ANKRD31: variants seen among roughly 807,000 people sequenced by gnomAD.
ANKRD31 encodes the protein ankyrin repeat domain 31.
A neutral mutation model predicts 186.0 loss-of-function variants in ANKRD31; 147 were observed. The ratio of observed to expected loss-of-function variants is 0.79; its 90% CI spans 0.69 to 0.91. The LOEUF is 0.91. ANKRD31 is among the 40% of genes least tolerant of loss of function. ANKRD31 has a pLI of 0.00. For synonymous variants in ANKRD31, 673 were observed against 736.4 expected (o/e 0.91, Z 1.39); for missense variants, 1,986 against 2,148.8 (o/e 0.92, Z 1.50).
chr5:75,227,384 C>T (rs1232723316), intron 2 of ANKRD31, among the ~76,000 whole-genome samples: 1 of 151,914 alleles, frequency 6.6e-6, no homozygotes, highest in Non-Finnish European at 1.5e-5. Flanking sequence ...TGAGTATAGT[C>T]AAAATTAATT....
At chr5:75,175,975 AT>A (rs1753764819) in intron 10 of ANKRD31, among the ~76,000 whole-genome samples, 1 of 152,080 alleles carries the variant, frequency 6.6e-6, no homozygotes, top group Non-Finnish European at 1.5e-5. Context: ...AGGGAATTCC[AT>A]TTCCTAGTCA....
intron 11 of ANKRD31, among the ~76,000 whole-genome samples, chr5:75,156,412 A>G (rs576057229): frequency 1.2e-4 from 18 of 152,324 alleles, no homozygotes; most frequent in Non-Finnish European, 7.4e-5. Context: ...TTGCAAAAAA[A>G]GTTAAAAATT....
chr5:75,116,341 A>G (rs1052159387), intron 19 of ANKRD31, among the ~76,000 whole-genome samples: 16 of 151,998 alleles, frequency 1.1e-4, no homozygotes, highest in Admixed American at 1.0e-3. Flanking sequence ...GCGCACCAGC[A>G]TAGCACATGT....
chr5:75,214,329 C>T (rs1023631719), intron 3 of ANKRD31, among the ~76,000 whole-genome samples: 1 of 152,140 alleles, frequency 6.6e-6, no homozygotes, highest in African/African-American at 2.4e-5. Flanking sequence ...TAAGTCATTG[C>T]AACTTCTGAA....
intron 25 of ANKRD31, among the ~76,000 whole-genome samples, chr5:75,079,808 G>A (rs555900756): frequency 3.3e-5 from 5 of 152,250 alleles, no homozygotes; most frequent in African/African-American, 1.2e-4. Context: ...ACAATTAGAA[G>A]CAGTAAATTC....
chr5:75,117,913 T>A (rs535814420), intron 18 of ANKRD31, among the ~76,000 whole-genome samples: 1 of 152,240 alleles, frequency 6.6e-6, no homozygotes, highest in African/African-American at 2.4e-5. Context: ...TGCTATAGGT[T>A]TCATTTCAAC....
intron 25 of ANKRD31, 142 bp from the exon 26 acceptor site, chr5:75,068,806 C>T (rs972013758): frequency 1.2e-6 from 1 of 836,814 alleles, no homozygotes; most frequent in African/African-American, 1.8e-5. Flanking sequence ...TTTCCCTCAA[C>T]CTATTTTCTG....
intron 22 of ANKRD31, among the ~76,000 whole-genome samples, chr5:75,096,759 A>C (rs1374642206): frequency 6.6e-6 from 1 of 151,896 alleles, no homozygotes; most frequent in South Asian, 2.1e-4. Flanking sequence ...GGTGTGCTGC[A>C]CCCATTAACT....
chr5:75,139,119 T>A, intron 15 of ANKRD31, 136 bp from the exon 16 acceptor site: 1 of 1,002,420 alleles, frequency 1.0e-6, no homozygotes, highest in Non-Finnish European at 1.4e-6. Flanking sequence ...ATCATTGCTG[T>A]TATTGTTTTA....
Position 75,144,061 on chromosome 5 carries a change from G to T in ANKRD31, c.3535C>A (p.His1179Asn). The change falls in exon 15 of 26, where the codon CAC becomes AAC. Residue 1179 changes from histidine (H) to asparagine (N), a missense_variant. Transcript: ENST00000506364. Reference sequence around the variant, plus strand: ...TTTCTGAAATTCTGAACTGTTTTGTGTTCTTGGCTATTAGTAGGCATGTGA... The same window carrying T: ...TTTCTGAAATTCTGAACTGTTTTGTTTTCTTGGCTATTAGTAGGCATGTGA... Reference protein sequence around the residue: ...EIHMPTNSQEHKTVQNFRKRQ... With the variant: ...EIHMPTNSQENKTVQNFRKRQ... 1 of 397,470 alleles carries T rather than the reference G, an allele frequency of 2.5e-6. No individual in the cohort carries two copies. Among genetic ancestry groups the T allele is most frequent in the Admixed American group, 4.4e-5 (1 of 22,680 alleles). The allele number at this position is 397,470 out of a possible 1,614,324, so 24.6% of individuals were successfully genotyped here.
chr5:75,149,855 G>C (rs1416350919), intron 12 of ANKRD31, among the ~76,000 whole-genome samples: 1 of 151,838 alleles, frequency 6.6e-6, no homozygotes, highest in African/African-American at 2.4e-5. Context: ...TTAAATAAAA[G>C]AGTAGAAAAA....
intron 10 of ANKRD31, among the ~76,000 whole-genome samples, chr5:75,170,240 A>C (rs910516684): frequency 6.6e-6 from 1 of 152,120 alleles, no homozygotes; most frequent in Non-Finnish European, 1.5e-5. Context: ...AAGTATTATA[A>C]TATTAATTCA....
intron 1 of ANKRD31, among the ~76,000 whole-genome samples, chr5:75,235,118 T>C (rs747077101): frequency 2.0e-5 from 3 of 152,120 alleles, no homozygotes; most frequent in Non-Finnish European, 4.4e-5. Flanking sequence ...AATATTTTAA[T>C]ATCCTATAGG....
Position 75,236,609 on chromosome 5 carries a change from C to T in ANKRD31, c.78G>A (p.Leu26=). Residue 26 remains leucine (L), a synonymous_variant, in exon 1 of 26, where the codon CTG becomes CTA. Transcript: ENST00000506364. ...TTCTCCAGGGCAGCTCCTTTTCTTC[C>T]AGGTCGCTCTCCGTCACTGAACCCT... The part of the protein sequence containing the change: ...VIEGSVTESD[L]EEKELPWRRL... 1 of 1,537,208 alleles carries T rather than the reference C, an allele frequency of 6.5e-7. No homozygotes were observed. The highest frequency in any genetic ancestry group is 8.7e-7 in the Non-Finnish European group (1 of 1,146,858).
intron 11 of ANKRD31, among the ~76,000 whole-genome samples, chr5:75,160,670 G>A (rs369002514): frequency 3.3e-5 from 5 of 152,278 alleles, no homozygotes; most frequent in Middle Eastern, 3.4e-3. Flanking sequence ...ACCTGGAGTG[G>A]TGGTCTGGTT....
intron 25 of ANKRD31, among the ~76,000 whole-genome samples, chr5:75,072,007 C>T (rs748134794): frequency 6.6e-6 from 1 of 152,180 alleles, no homozygotes; most frequent in Non-Finnish European, 1.5e-5. Context: ...ACTCCAACCA[C>T]ATTATCCTGT....
At chr5:75,096,462 G>A (rs1279389981) in intron 22 of ANKRD31, among the ~76,000 whole-genome samples, 1 of 152,090 alleles carries the variant, frequency 6.6e-6, no homozygotes, top group Non-Finnish European at 1.5e-5. Flanking sequence ...TCTGTAGGTT[G>A]CCTGTTCGCT....
intron 23 of ANKRD31, among the ~76,000 whole-genome samples, chr5:75,091,020 C>T (rs1007900108): frequency 7.9e-5 from 12 of 152,164 alleles, no homozygotes; most frequent in African/African-American, 2.7e-4. Context: ...ACGGAAGGTG[C>T]AGTCAGCTAT....
intron 17 of ANKRD31, among the ~76,000 whole-genome samples, chr5:75,135,824 G>A (rs1432343831): frequency 6.6e-6 from 1 of 152,124 alleles, no homozygotes; most frequent in Non-Finnish European, 1.5e-5. Flanking sequence ...CAGATACATA[G>A]ACCAATGGAA....
Sources: allele counts gnomAD v4.1 joint callset (sites outside exome capture counted in the v4.1 genomes callset), GRCh38; gene constraint gnomAD v4.1.1; transcripts MANE v1.5; gene names NCBI Gene and HGNC (gene_info 2026-07-23, HGNC 2026-07-21).